Variants in NALCN observed in about 807,000 individuals in gnomAD.
NALCN encodes sodium leak channel NALCN.
In NALCN, 111 loss-of-function variants were observed where a neutral mutation model predicts 225.3. The ratio of observed to expected loss-of-function variants is 0.49; its 90% CI spans 0.42 to 0.58. NALCN has a LOEUF of 0.58. Among genes scored for constraint, NALCN ranks in the 20% least tolerant of loss-of-function variants. NALCN has a pLI of 0.00. For missense variants in NALCN, 1,378 were observed against 2,202.4 expected (o/e 0.63, Z 7.49); for synonymous variants, 764 against 769.0 (o/e 0.99, Z 0.11).
intron 11 of NALCN, among the ~76,000 whole-genome samples, chr13:101,250,457 A>G (rs900826526): frequency 6.6e-6 from 1 of 152,076 alleles, no homozygotes; most frequent in Admixed American, 6.5e-5. Context: ...GTCCAGAAAC[A>G]CAATTGTGCA....
rs558470717 is a variant in NALCN, at chr13:101,193,841, G to T, written c.1627-1787C>A. ...AAAGGTGAGGAACACGAATTCCAAA[G>T]ATGATTCACATAAAAATATCAGATT... On this transcript the variant is annotated intron_variant, in intron 13 of 43. Transcript: ENST00000251127. Among the ~76,000 whole-genome samples the T allele has an allele frequency of 6.5e-4, 99 of 152,202 alleles. No individual in the cohort carries two copies. The South Asian group carries it at 0.021, about 32-fold the overall frequency.
chr13:101,179,646 AG>A, intron 14 of NALCN, among the ~76,000 whole-genome samples: 1 of 152,174 alleles, frequency 6.6e-6, no homozygotes, highest in Non-Finnish European at 1.5e-5. Context: ...GAGGCTGTAC[AG>A]GGGGTTTGGG....
intron 2 of NALCN, among the ~76,000 whole-genome samples, chr13:101,397,076 A>T (rs1469847649): frequency 1.9e-5 from 1 of 53,240 alleles, no homozygotes; most frequent in African/African-American, 1.9e-4. Flanking sequence ...TTATATATAT[A>T]TATATATATA....
In NALCN at chr13:101,158,540, T is replaced by G. The variant is rs115822752; in HGVS notation, c.1840-13644A>C. On this transcript the variant is annotated intron_variant, in intron 15 of 43. Transcript: ENST00000251127. ...TGACAGTCCTTTCTTGACAAGCTAC[T>G]GCTAGCTGTACTCTGGCTGGCCTCT... Among the ~76,000 whole-genome samples, 655 of 152,358 alleles carry G rather than the reference T, an allele frequency of 4.3e-3. 6 individuals carry two copies. The highest frequency in any genetic ancestry group is 0.015 in the African/African-American group (632 of 41,600).
intron 11 of NALCN, among the ~76,000 whole-genome samples, chr13:101,253,743 A>C (rs1481095849): frequency 1.3e-5 from 2 of 152,138 alleles, no homozygotes; most frequent in African/African-American, 4.8e-5. Context: ...TTGTAAATAA[A>C]GTTTTATTGG....
chr13:101,298,327 A>ATT (rs67572044), intron 7 of NALCN, among the ~76,000 whole-genome samples: 16,622 of 148,118 alleles, frequency 0.11, 1,012 homozygotes, highest in African/African-American at 0.16. Flanking sequence ...ATCTCCAGCT[A>ATT]TTTTTTTTTT....
At chr13:101,151,654 A>AT (rs1386996871) in intron 15 of NALCN, among the ~76,000 whole-genome samples, 3 of 152,164 alleles carry the variant, frequency 2.0e-5, no homozygotes, top group East Asian at 3.8e-4. Flanking sequence ...GGCTTTAGCT[A>AT]TTTTTTCTGT....
chr13:101,067,155 G>A (rs1184606640), intron 39 of NALCN, among the ~76,000 whole-genome samples: 2 of 150,948 alleles, frequency 1.3e-5, no homozygotes, highest in East Asian at 2.0e-4. Flanking sequence ...AGAGAGAAGA[G>A]GAGAGGGAGG....
chr13:101,403,518 G>T (rs2047534361), intron 1 of NALCN, among the ~76,000 whole-genome samples: 1 of 152,176 alleles, frequency 6.6e-6, no homozygotes, highest in Non-Finnish European at 1.5e-5. Context: ...CTATGTGTGT[G>T]ATTTGTTATA....
Position 101,120,708 on chromosome 13 carries a change from A to C in NALCN, c.2192+3900T>G, listed in dbSNP as rs2035934745. 2.6e-5 allele frequency among the ~76,000 whole-genome samples: 4 copies of C among 152,206 alleles called. No homozygotes were observed. The South Asian group carries it at 8.3e-4, about 32-fold the overall frequency. ...AGTCAAGAAGGAGAATGAAAATAGA[A>C]GGGCAAACTCGCTGTAAAGAATGGA... On this transcript the variant is annotated intron_variant, in intron 18 of 43. Transcript: ENST00000251127.
chr13:101,081,395 TG>T, intron 34 of NALCN, 131 bp downstream of exon 34: 2 of 1,294,290 alleles, frequency 1.5e-6, no homozygotes, highest in Non-Finnish European at 2.1e-6. Flanking sequence ...CAGTCAAAGC[TG>T]GGCTTTAGGG....
At chr13:101,156,999 C>T (rs917172771) in intron 15 of NALCN, among the ~76,000 whole-genome samples, 1 of 152,066 alleles carries the variant, frequency 6.6e-6, no homozygotes, top group Non-Finnish European at 1.5e-5. Context: ...TGAAAATTCA[C>T]ATTAATCCAC....
Position 101,104,790 on chromosome 13 carries a change from C to A in NALCN, c.2636+104G>T. ...TTCCCCAATCATCTATTTCATAGCA[C>A]TATATAGCAAGAAAATAAAAGAGAA... On this transcript the variant is annotated intron_variant, in intron 23 of 43. Transcript: ENST00000251127. The surrounding 1 kb of genome is among the most constrained non-coding windows in gnomAD (Gnocchi z 4.2). 6.4e-7 allele frequency: 1 copy of A among 1,550,766 alleles called. No homozygotes were observed. Among genetic ancestry groups the A allele is most frequent in the Non-Finnish European group, 8.9e-7 (1 of 1,128,742 alleles).
At chr13:101,209,742 A>G (rs1007247137) in intron 13 of NALCN, among the ~76,000 whole-genome samples, 6 of 152,176 alleles carry the variant, frequency 3.9e-5, no homozygotes, top group African/African-American at 1.2e-4. Flanking sequence ...GTACCTTTGC[A>G]TAATCCCACT....
At chr13:101,168,224 T>A (rs1356214816) in intron 15 of NALCN, among the ~76,000 whole-genome samples, 1 of 152,170 alleles carries the variant, frequency 6.6e-6, no homozygotes, top group African/African-American at 2.4e-5. Flanking sequence ...GAACCATCCT[T>A]CCCTTGGTAA....
At chr13:101,148,701 A>G (rs2037479820) in intron 15 of NALCN, among the ~76,000 whole-genome samples, 1 of 152,214 alleles carries the variant, frequency 6.6e-6, no homozygotes, top group South Asian at 2.1e-4. Context: ...ACTGGACACA[A>G]GGTGAGCTGA....
At chr13:101,124,927 C>T (rs190016870) in intron 17 of NALCN, among the ~76,000 whole-genome samples, 117 of 152,304 alleles carry the variant, frequency 7.7e-4, no homozygotes, top group Non-Finnish European at 1.4e-3. Context: ...TAATGGCCTT[C>T]GTCTGAATAA....
intron 7 of NALCN, among the ~76,000 whole-genome samples, chr13:101,295,829 T>C (rs1460391989): frequency 6.6e-6 from 1 of 152,250 alleles, no homozygotes; most frequent in Non-Finnish European, 1.5e-5. Flanking sequence ...CTCATCTCTT[T>C]ACTACTCCTG....
At chr13:101,072,411 CA>C (rs2032956878) in intron 37 of NALCN, among the ~76,000 whole-genome samples, 1 of 152,208 alleles carries the variant, frequency 6.6e-6, no homozygotes, top group Non-Finnish European at 1.5e-5. Flanking sequence ...TGGAATAGCA[CA>C]AGACTTAAGT....
Sources: allele counts gnomAD v4.1 joint callset (sites outside exome capture counted in the v4.1 genomes callset), GRCh38; gene constraint gnomAD v4.1.1; non-coding constraint Gnocchi (gnomAD v3.1); transcripts MANE v1.5; gene names NCBI Gene and HGNC (gene_info 2026-07-23, HGNC 2026-07-21).